The following FAM222A variants were observed in gnomAD, a reference collection of about 807,000 sequenced individuals.
The protein encoded by FAM222A is family with sequence similarity 222 member A.
FAM222A carries 7 observed loss-of-function variants against 25.8 expected under a neutral mutation model. That is an observed-to-expected ratio of 0.27 (90% CI 0.15 to 0.51). FAM222A has a LOEUF of 0.51. Ranked by LOEUF, FAM222A falls within the 20% of genes least tolerant of loss-of-function variation. The pLI is 0.97. For missense variants in FAM222A, 573 were observed against 640.5 expected, an observed-to-expected ratio of 0.89 and a Z score of 1.14; for synonymous variants, 294 against 298.8, an observed-to-expected ratio of 0.98 and a Z score of 0.17.
At chr12:109,751,674 C>A (rs903678746) in intron 2 of FAM222A, among the ~76,000 whole-genome samples, 12 of 152,182 alleles carry the variant, frequency 7.9e-5, no homozygotes, top group African/African-American at 2.9e-4. Context: ...CTATTTTTCT[C>A]TTCTAAACCA....
In FAM222A at chr12:109,727,831, C is replaced by T. The variant is rs941783134; in HGVS notation, c.-47+12934C>T. Among the ~76,000 whole-genome samples, 3 of 152,100 alleles carry T rather than the reference C, an allele frequency of 2.0e-5. 1 individual carries two copies. The highest frequency in any genetic ancestry group is 1.3e-4 in the Admixed American group (2 of 15,286). On this transcript the variant is annotated intron_variant, in intron 1 of 2. Transcript: ENST00000538780. ...TGGGCCTCCAGGTGTACCCCACCAC[C>T]AAAGTCCTGGGTGAAAACCAGCAGG... is the stretch of plus-strand genomic sequence containing the variant.
At chr12:109,729,767 TC>T (rs1887910203) in intron 1 of FAM222A, among the ~76,000 whole-genome samples, 1 of 152,240 alleles carries the variant, frequency 6.6e-6, no homozygotes, top group South Asian at 2.1e-4. Flanking sequence ...AGCCAGCTTG[TC>T]CCCAAACCTG....
intron 1 of FAM222A, among the ~76,000 whole-genome samples, chr12:109,719,463 C>T (rs149382577): frequency 1.7e-3 from 256 of 152,274 alleles, no homozygotes; most frequent in African/African-American, 5.9e-3. Context: ...CCCTGTCGCC[C>T]GTGTCCCAGT....
chr12:109,759,865 A>G (rs1436159300), intron 2 of FAM222A, among the ~76,000 whole-genome samples: 2 of 152,220 alleles, frequency 1.3e-5, no homozygotes, highest in African/African-American at 4.8e-5. Flanking sequence ...AGCTGCAATT[A>G]TTTAGATGTC....
At chr12:109,744,544 C>T in intron 2 of FAM222A, 2 of 985,436 alleles carry the variant, frequency 2.0e-6, no homozygotes, top group South Asian at 4.7e-5. Context: ...CCATGTGTGT[C>T]TCCCTTACCA....
At chr12:109,729,233 G>GTTTTTA (rs142543309) in intron 1 of FAM222A, among the ~76,000 whole-genome samples, 67,213 of 151,574 alleles carry the variant, frequency 0.44, 17,058 homozygotes, top group East Asian at 0.71. Flanking sequence ...TAGAATTCTA[G>GTTTTTA]TTTTTCTTTT....
chr12:109,765,775 C>T (rs1889032108), intron 2 of FAM222A, among the ~76,000 whole-genome samples: 1 of 152,216 alleles, frequency 6.6e-6, no homozygotes, highest in African/African-American at 2.4e-5. Context: ...CACTCTATCC[C>T]CAGCTGCGAT....
intron 2 of FAM222A, among the ~76,000 whole-genome samples, chr12:109,757,187 T>G (rs1888755536): frequency 1.3e-5 from 2 of 152,348 alleles, no homozygotes; most frequent in South Asian, 4.1e-4. Flanking sequence ...CTAAATAAAC[T>G]TAGAAATATG....
At chr12:109,734,070 G>A (rs1444697676) in intron 1 of FAM222A, 1 of 152,256 alleles carries the variant, frequency 6.6e-6, no homozygotes, top group Non-Finnish European at 1.5e-5. Context: ...AATTAGCTGG[G>A]TGGGGTGGTG....
intron 1 of FAM222A, among the ~76,000 whole-genome samples, chr12:109,742,832 G>A (rs1484541791): frequency 2.6e-5 from 4 of 152,094 alleles, no homozygotes; most frequent in African/African-American, 4.8e-5. Flanking sequence ...TAATTGCGCC[G>A]TAACAAGGAG....
At chr12:109,767,235 T>G (rs913700029) in intron 2 of FAM222A, among the ~76,000 whole-genome samples, 5 of 151,782 alleles carry the variant, frequency 3.3e-5, no homozygotes, top group Non-Finnish European at 7.4e-5. Flanking sequence ...CCATCAAGAA[T>G]AGAAAGGTTG....
chr12:109,743,881 C>A (rs534842949), intron 1 of FAM222A: 3 of 985,456 alleles, frequency 3.0e-6, no homozygotes, highest in Non-Finnish European at 3.6e-6. Context: ...GTCCAGCCCC[C>A]ACTCAAGAGC....
At chr12:109,749,050 C>T (rs1301174736) in intron 2 of FAM222A, among the ~76,000 whole-genome samples, 2 of 152,022 alleles carry the variant, frequency 1.3e-5, no homozygotes, top group African/African-American at 4.8e-5. Context: ...TAACCTAAGA[C>T]TCATTTGAGT....
intron 2 of FAM222A, among the ~76,000 whole-genome samples, chr12:109,757,360 G>C (rs1803778082): frequency 6.6e-6 from 1 of 152,182 alleles, no homozygotes; most frequent in South Asian, 2.1e-4. Context: ...GAAGGGGCTT[G>C]TCCTGTTACA....
chr12:109,769,047 G>A lies in FAM222A; in HGVS notation c.1118G>A (p.Gly373Glu), dbSNP rs1411245506. ...PAAAVVVTEL[G>E]PGAARELAGP... Reference sequence around the variant, plus strand: ...GCGGCGGTGGTGGTCACGGAGCTGGGGCCGGGGGCAGCCCGGGAGCTGGCT... The same window carrying A: ...GCGGCGGTGGTGGTCACGGAGCTGGAGCCGGGGGCAGCCCGGGAGCTGGCT... Residue 373 changes from glycine to glutamate, a missense_variant, in exon 3 of 3, where the codon GGG becomes GAG. Physicochemically the swap from Gly to Glu is moderately conservative, Grantham distance 98. Coordinates refer to ENST00000538780, the MANE Select transcript of FAM222A (RefSeq NM_032829.3). 6.3e-7 allele frequency: 1 copy of A among 1,587,890 alleles called. No individual in the cohort carries two copies. Among genetic ancestry groups the A allele is most frequent in the Non-Finnish European group, 8.6e-7 (1 of 1,168,440 alleles).
rs1565851006 is a variant in FAM222A, at chr12:109,769,317, G to GGACAGGGCGCAGAGCCGGGA, written c.*31_*50dup. On this transcript the variant is annotated 3_prime_UTR_variant, in exon 3 of 3. Transcript: ENST00000538780. ...CTGCCCTGCGGACATACGGACATGC[G>GGACAGGGCGCAGAGCCGGGA]GACAGGGCGCAGAGCCGGGAGGCAG... 2 of 1,569,194 alleles carry GGACAGGGCGCAGAGCCGGGA rather than the reference G, an allele frequency of 1.3e-6. No homozygotes were observed. The highest frequency in any genetic ancestry group is 1.8e-5 in the Admixed American group (1 of 56,062).
chr12:109,768,426 C>T lies in FAM222A; in HGVS notation c.497C>T (p.Pro166Leu). The T allele has an allele frequency of 6.3e-7, 1 of 1,599,074 alleles. No homozygotes were observed. The highest frequency in any genetic ancestry group is 8.5e-7 in the Non-Finnish European group (1 of 1,178,640). Residue 166 changes from proline (P) to leucine (L), a missense_variant, in exon 3 of 3, where the codon CCT becomes CTT. Physicochemically the swap from Pro to Leu is moderately conservative, Grantham distance 98. Around this residue, in one of 3 missense-constraint regions of FAM222A, gnomAD observed 412 missense variants for 407.0 expected, o/e 1.01. Coordinates refer to ENST00000538780, the MANE Select transcript of FAM222A (RefSeq NM_032829.3). ...GCCTACCCCAAGCCACCTGAGGCGC[C>T]TGCTCCACCACCCGGCCTGCCCGCA... ...PLAYPKPPEA[P>L]APPPGLPAAA... is the part of the protein sequence containing the mutation.
At chr12:109,754,636 G>C (rs571578364) in intron 2 of FAM222A, among the ~76,000 whole-genome samples, 2 of 151,456 alleles carry the variant, frequency 1.3e-5, no homozygotes, top group Non-Finnish European at 2.9e-5. Context: ...CAGCAGGCCA[G>C]ATTTGGCCCA....
chr12:109,720,762 G>C (rs532728469), intron 1 of FAM222A, among the ~76,000 whole-genome samples: 2 of 152,336 alleles, frequency 1.3e-5, no homozygotes, highest in East Asian at 3.9e-4. Context: ...ACCTACCGAG[G>C]GAGAGGCCTC....
Sources: allele counts gnomAD v4.1 joint callset (sites outside exome capture counted in the v4.1 genomes callset), GRCh38; gene constraint gnomAD v4.1.1; regional missense constraint gnomAD v4.1.1; transcripts MANE v1.5; gene names NCBI Gene and HGNC (gene_info 2026-07-23, HGNC 2026-07-21).